TUBGCP4: variants seen among roughly 807,000 people sequenced by gnomAD.
TUBGCP4 encodes tubulin gamma complex component 4, also known as gamma-tubulin complex component 4.
In TUBGCP4, 54 loss-of-function variants were observed where a neutral mutation model predicts 91.6. The ratio of observed to expected loss-of-function variants is 0.59; its 90% CI spans 0.47 to 0.74. The LOEUF is 0.74. Among genes scored for constraint, TUBGCP4 ranks in the 30% least tolerant of loss-of-function variants. The pLI is 0.00. For synonymous variants in TUBGCP4, 297 were observed against 302.8 expected, an observed-to-expected ratio of 0.98 and a Z score of 0.20; for missense variants, 593 against 800.9, an observed-to-expected ratio of 0.74 and a Z score of 3.13.
Position 43,405,423 on chromosome 15 carries a change from A to ACATGTGGCATCTCTGAT in TUBGCP4, c.*211_*227dup. 1.6e-6 allele frequency: 1 copy of ACATGTGGCATCTCTGAT among 606,742 alleles called. No homozygotes were observed. The allele number at this position is 606,742 out of a possible 1,614,324, so 37.6% of individuals were successfully genotyped here. A position where few individuals can be genotyped will look rare whatever the true frequency, so the allele number is the denominator to read the frequency against. On this transcript the variant is annotated 3_prime_UTR_variant, in exon 18 of 18. Coordinates refer to ENST00000564079, the MANE Select transcript of TUBGCP4 (RefSeq NM_014444.5). ...GGAAGGGTCTCTCCCATCAAGGAGA[A>ACATGTGGCATCTCTGAT]CATGTGGCATCTCTGATCCTTTACA...
At position 43,383,582 on chromosome 15, in the gene TUBGCP4, C is replaced by A; in HGVS notation, c.723+78C>A. On this transcript the variant is annotated intron_variant, in intron 7 of 17. Coordinates refer to ENST00000564079, the MANE Select transcript of TUBGCP4 (RefSeq NM_014444.5). ...TGCACACAAATGATCTTCTGGTGAT[C>A]CCTTCTTAGCTCATAGCTGAGCACC... 1.5e-6 allele frequency: 2 copies of A among 1,312,722 alleles called. 1 individual carries two copies. Among genetic ancestry groups the A allele is most frequent in the South Asian group, 3.1e-5 (2 of 65,330 alleles). The allele number at this position is 1,312,722 out of a possible 1,614,324, so 81.3% of individuals were successfully genotyped here. A position where few individuals can be genotyped will look rare whatever the true frequency, so the allele number is the denominator to read the frequency against.
intron 13 of TUBGCP4, chr15:43,398,973 CAGT>C (rs1185342502): frequency 4.0e-6 from 1 of 250,032 alleles, no homozygotes. Context: ...GTAAAATTAA[CAGT>C]AGTCCCTTAT....
intron 1 of TUBGCP4, among the ~76,000 whole-genome samples, chr15:43,372,885 C>T (rs898173381): frequency 1.3e-5 from 2 of 152,116 alleles, no homozygotes; most frequent in African/African-American, 4.8e-5. Flanking sequence ...GCCTTTCTCC[C>T]GCATAGATTG....
chr15:43,377,341 G>A (rs551281166), intron 4 of TUBGCP4, among the ~76,000 whole-genome samples: 3 of 152,268 alleles, frequency 2.0e-5, no homozygotes, highest in African/African-American at 7.2e-5. Context: ...ACTGCTTCCC[G>A]ACTGGGCATG....
chr15:43,397,083 C>T, intron 11 of TUBGCP4, 131 bp from the exon 12 acceptor site: 2 of 703,140 alleles, frequency 2.8e-6, no homozygotes, highest in Non-Finnish European at 5.2e-6. Flanking sequence ...GGGTGTTAGA[C>T]AAATGAAACA....
In TUBGCP4 at chr15:43,399,225, T is replaced by C. The variant is rs182293003; in HGVS notation, c.1419-819T>C. On this transcript the variant is annotated intron_variant, in intron 13 of 17. Transcript: ENST00000564079. ...ATCAGCTGTTCTTCCCGTGTGTCTTTTAAGTATGGAGTCTCAGCATTAAGC... is the reference window on the plus strand; with the variant it reads ...ATCAGCTGTTCTTCCCGTGTGTCTTCTAAGTATGGAGTCTCAGCATTAAGC... 16 of 1,090,190 alleles carry C rather than the reference T, an allele frequency of 1.5e-5. No homozygotes were observed. In the East Asian group the frequency reaches 5.0e-4, roughly 34 times the overall value. The allele number at this position is 1,090,190 out of a possible 1,614,324, so 67.5% of individuals were successfully genotyped here. A position where few individuals can be genotyped will look rare whatever the true frequency, so the allele number is the denominator to read the frequency against.
chr15:43,393,476 AG>A (rs1350096759), intron 9 of TUBGCP4, among the ~76,000 whole-genome samples: 1 of 151,566 alleles, frequency 6.6e-6, no homozygotes, highest in Non-Finnish European at 1.5e-5. Context: ...TTTAAGTTTT[AG>A]GGTACATGTG....
chr15:43,401,792 T>G lies in TUBGCP4; in HGVS notation c.1673T>G (p.Leu558Trp). ...ACCCGAGACTTTGAAAGCATCCGAT[T>G]GGCTCATGACCACTTCCTGAGCAAT... ...NSTRDFESIR[L>W]AHDHFLSNLL... The change falls in exon 15 of 18, where the codon TTG (leucine) becomes TGG (tryptophan). Residue 558 changes from leucine to tryptophan, a missense_variant. Transcript: ENST00000564079. 6.2e-7 allele frequency: 1 copy of G among 1,614,202 alleles called. No individual in the cohort carries two copies. The highest frequency in any genetic ancestry group is 8.5e-7 in the Non-Finnish European group (1 of 1,180,022).
At position 43,403,970 on chromosome 15, in the gene TUBGCP4, A is replaced by AT. The variant is rs3837679; in HGVS notation, c.1848+172dup. 0.21 allele frequency: 130,462 copies of AT among 609,738 alleles called. 21,796 individuals carry two copies. The highest frequency in any genetic ancestry group is 0.63 in the African/African-American group (34,309 of 54,226). The allele number at this position is 609,738 out of a possible 1,614,324, so 37.8% of individuals were successfully genotyped here. On this transcript the variant is annotated intron_variant, in intron 16 of 17. Transcript: ENST00000564079. Reference sequence around the variant, plus strand: ...GTATCAGTTGATTTTGAAGCAGGTAATACTGTGCCACCTCACAGTGCTCAA... The same window carrying AT: ...GTATCAGTTGATTTTGAAGCAGGTAATTACTGTGCCACCTCACAGTGCTCAA...
chr15:43,392,812 A>G (rs117738141), intron 9 of TUBGCP4, among the ~76,000 whole-genome samples: 654 of 152,034 alleles, frequency 4.3e-3, no homozygotes, highest in Non-Finnish European at 4.8e-3. Context: ...TATATTCTTT[A>G]CTTAGATTCT....
rs2044232653 is a variant in TUBGCP4, at chr15:43,377,852, G to A, written c.390G>A (p.Gln130=). The A allele has an allele frequency of 6.2e-7, 1 of 1,604,260 alleles. No homozygotes were observed. Among genetic ancestry groups the A allele is most frequent in the Non-Finnish European group, 8.5e-7 (1 of 1,177,124 alleles). ...AATTATTCTCTACTTTGCAGTTCCA[G>A]CTTCTTTTTCCCTCTGTGATGGTTG... ...SHVNYFLDQF[Q]LLFPSVMVVV... Residue 130 remains glutamine (Q), a synonymous_variant, in exon 5 of 18, where the codon CAG becomes CAA. Transcript: ENST00000564079.
At chr15:43,380,230 GT>G in intron 6 of TUBGCP4, 67 bp downstream of exon 6, 1 of 1,393,988 alleles carries the variant, frequency 7.2e-7, no homozygotes, top group Non-Finnish European at 1.0e-6. Flanking sequence ...CTTCTCACAT[GT>G]TTTATTTTCA....
In TUBGCP4 at chr15:43,395,164, G is replaced by A. The variant is rs117773969; in HGVS notation, c.1065+7G>A. 5.5e-3 allele frequency: 8,885 copies of A among 1,613,760 alleles called. 47 individuals carry two copies. Among genetic ancestry groups the A allele is most frequent in the Non-Finnish European group, 6.9e-3 (8,122 of 1,179,722 alleles). On this transcript the variant is annotated splice_region_variant and intron_variant, in intron 10 of 17. Transcript: ENST00000564079. ...TTTACTGGGTCAGCTGAAGGTAATG[G>A]CTTAGCTGTTGTAATTCTTACGGTG...
chr15:43,407,255 A>AGTT lies in TUBGCP4; in HGVS notation c.*2042_*2044dup, dbSNP rs1412417471. On this transcript the variant is annotated 3_prime_UTR_variant, in exon 18 of 18. Transcript: ENST00000564079. ...GATTCAACATTTATTTTATCATAAA[A>AGTT]GTTCAGCAAATAAAACTATATACAA... The AGTT allele has an allele frequency of 1.3e-6, 1 of 751,110 alleles. No homozygotes were observed. The highest frequency in any genetic ancestry group is 1.8e-5 in the African/African-American group (1 of 56,604). The allele number at this position is 751,110 out of a possible 1,614,324, so 46.5% of individuals were successfully genotyped here. A position where few individuals can be genotyped will look rare whatever the true frequency, so the allele number is the denominator to read the frequency against.
rs2044869060 is a variant in TUBGCP4, at chr15:43,406,180, A to G, written c.*966A>G. 6.4e-6 allele frequency: 1 copy of G among 155,056 alleles called. No homozygotes were observed. Among genetic ancestry groups the G allele is most frequent in the Non-Finnish European group, 1.4e-5 (1 of 69,884 alleles). 9.6% of individuals were successfully genotyped at this position (155,056 alleles called of 1,614,324 possible). A position where few individuals can be genotyped will look rare whatever the true frequency, so the allele number is the denominator to read the frequency against. ...CATCTTACACAAACCATAGGGGTTG[A>G]AGTTATCTTAATATGGCCCAGCCAT... On this transcript the variant is annotated 3_prime_UTR_variant, in exon 18 of 18. Transcript: ENST00000564079.
intron 11 of TUBGCP4, 76 bp downstream of exon 11, chr15:43,395,764 A>T: frequency 8.2e-7 from 1 of 1,215,416 alleles, no homozygotes; most frequent in Non-Finnish European, 1.2e-6. Context: ...TGACCCTTTT[A>T]AGGCCTGCTC....
In TUBGCP4 at chr15:43,407,338, A is replaced by AATCT. The variant is rs775832167; in HGVS notation, c.*2125_*2128dup. 11 of 1,571,840 alleles carry AATCT rather than the reference A, an allele frequency of 7.0e-6. No homozygotes were observed. Among genetic ancestry groups the AATCT allele is most frequent in the African/African-American group, 2.7e-5 (2 of 74,288 alleles). On this transcript the variant is annotated 3_prime_UTR_variant, in exon 18 of 18. Coordinates refer to ENST00000564079, the MANE Select transcript of TUBGCP4 (RefSeq NM_014444.5). ...CACATTTAAAACCTGGTTAAAACAC[A>AATCT]ATCTCCACGATAGCAGGGAATAAAA...
At chr15:43,393,713 T>G (rs558434412) in intron 9 of TUBGCP4, among the ~76,000 whole-genome samples, 3 of 152,324 alleles carry the variant, frequency 2.0e-5, no homozygotes, top group South Asian at 2.1e-4. Flanking sequence ...TTTTTGTCCT[T>G]GTGAGAGTTT....
intron 9 of TUBGCP4, 182 bp from the exon 10 acceptor site, chr15:43,394,925 C>CT: frequency 1.5e-6 from 1 of 648,036 alleles, no homozygotes; most frequent in South Asian, 1.9e-5. Context: ...ATTACCCAGT[C>CT]TAAGGTATTC....
Sources: gnomAD v4.1 joint callset for allele counts (sites outside exome capture counted in the v4.1 genomes callset) on GRCh38, gnomAD v4.1.1 for gene constraint, MANE v1.5 for transcripts, NCBI Gene and HGNC (gene_info 2026-07-23, HGNC 2026-07-21) for gene names.